The following SLC35F4 variants were observed in gnomAD, a reference collection of about 807,000 sequenced individuals.
SLC35F4 encodes chromosome 14 open reading frame 36.
In SLC35F4, 24 loss-of-function variants were observed where a neutral mutation model predicts 44.2. The ratio of observed to expected loss-of-function variants is 0.54; its 90% CI spans 0.39 to 0.76. SLC35F4 has a LOEUF of 0.76. Ranked by LOEUF, SLC35F4 falls within the 30% of genes least tolerant of loss-of-function variation. The pLI is 0.00. For synonymous variants in SLC35F4, 238 were observed against 223.6 expected (o/e 1.06, Z -0.57); for missense variants, 562 against 586.1 (o/e 0.96, Z 0.42).
chr14:57,615,918 T>C (rs1168520784), intron 1 of SLC35F4, among the ~76,000 whole-genome samples: 1 of 152,190 alleles, frequency 6.6e-6, no homozygotes, highest in Non-Finnish European at 1.5e-5. Context: ...GTAGCTGGTT[T>C]AACTACTACT....
chr14:57,874,861 C>T (rs989045829), intron 1 of SLC35F4, among the ~76,000 whole-genome samples: 2 of 152,076 alleles, frequency 1.3e-5, no homozygotes, highest in Non-Finnish European at 2.9e-5. Context: ...AAATCCAAGA[C>T]GATGTCTATT....
chr14:57,951,725 G>T (rs1890143068), intron 1 of SLC35F4, among the ~76,000 whole-genome samples: 1 of 152,188 alleles, frequency 6.6e-6, no homozygotes, highest in African/African-American at 2.4e-5. Context: ...TAGCCAAACT[G>T]CCTCTCTAGA....
At position 57,924,443 on chromosome 14, in the gene SLC35F4, CTCTT is replaced by C. The variant is rs201537819; in HGVS notation, n.282+57466_282+57469del. ...TGCCAGGCTCATTCTCTTTACTTTC[CTCTT>C]TCTTTCTTTTTTTTTTTTTAAGACG... is the stretch of plus-strand genomic sequence containing the variant. On this transcript the variant is annotated intron_variant and non_coding_transcript_variant, in intron 1 of 1. Transcript: ENST00000556568. Among the ~76,000 whole-genome samples, 966 of 151,820 alleles carry C rather than the reference CTCTT, an allele frequency of 6.4e-3. 13 individuals carry two copies. The highest frequency in any genetic ancestry group is 0.021 in the African/African-American group (855 of 41,396).
At chr14:57,893,778 T>A (rs937820051) in intron 1 of SLC35F4, among the ~76,000 whole-genome samples, 6 of 152,188 alleles carry the variant, frequency 3.9e-5, no homozygotes, top group African/African-American at 4.8e-5. Flanking sequence ...AAGAGTTATG[T>A]GGAGTTTTCA....
At chr14:57,669,059 TG>T (rs763826107) in intron 1 of SLC35F4, among the ~76,000 whole-genome samples, 2 of 152,112 alleles carry the variant, frequency 1.3e-5, no homozygotes, top group African/African-American at 2.4e-5. Flanking sequence ...CCCTGTAAGT[TG>T]GATTCCTAGG....
chr14:57,782,921 T>G (rs1162678671), intron 1 of SLC35F4, among the ~76,000 whole-genome samples: 1 of 152,012 alleles, frequency 6.6e-6, no homozygotes, highest in African/African-American at 2.4e-5. Flanking sequence ...TAAATTGAAG[T>G]CTGCAGCTGT....
At chr14:57,967,862 A>G (rs147932206) in intron 1 of SLC35F4, among the ~76,000 whole-genome samples, 42 of 152,328 alleles carry the variant, frequency 2.8e-4, no homozygotes, top group African/African-American at 9.9e-4. Context: ...AGAATTAACA[A>G]TTAGGCTTTG....
intron 1 of SLC35F4, among the ~76,000 whole-genome samples, chr14:57,715,248 A>G (rs1020910220): frequency 2.6e-5 from 4 of 152,158 alleles, no homozygotes; most frequent in African/African-American, 9.7e-5. Flanking sequence ...AGGAAGAAAG[A>G]GGGCCAGCAA....
intron 5 of SLC35F4, among the ~76,000 whole-genome samples, chr14:57,570,959 A>G (rs962838032): frequency 2.0e-5 from 3 of 152,206 alleles, no homozygotes; most frequent in African/African-American, 7.2e-5. Flanking sequence ...AGTAATGGCC[A>G]TTGAGTGAAC....
chr14:57,865,902 C>A lies in SLC35F4; in HGVS notation c.-77G>T. The A allele has an allele frequency of 9.6e-7, 1 of 1,041,918 alleles. No homozygotes were observed. Among genetic ancestry groups the A allele is most frequent in the Non-Finnish European group, 1.3e-6 (1 of 748,292 alleles). The allele number at this position is 1,041,918 out of a possible 1,614,324, so 64.5% of individuals were successfully genotyped here. Reference sequence around the variant, plus strand: ...GGGGCCCGGGAGCTGGTGCAGGTGCCGGAGCCGCTGGTGCTGATCTTGCAG... The same window carrying A: ...GGGGCCCGGGAGCTGGTGCAGGTGCAGGAGCCGCTGGTGCTGATCTTGCAG... On this transcript the variant is annotated 5_prime_UTR_variant, in exon 1 of 8. Transcript: ENST00000556826.
At chr14:57,706,869 C>T (rs1487475192) in intron 1 of SLC35F4, among the ~76,000 whole-genome samples, 1 of 152,124 alleles carries the variant, frequency 6.6e-6, no homozygotes, top group African/African-American at 2.4e-5. Flanking sequence ...TCTCTTAAGG[C>T]CAATAGGAAG....
chr14:57,889,720 T>A (rs1427739426), intron 1 of SLC35F4, among the ~76,000 whole-genome samples: 2 of 152,218 alleles, frequency 1.3e-5, no homozygotes, highest in African/African-American at 4.8e-5. Context: ...CTAGTACACA[T>A]TGTGTCATAA....
chr14:57,652,825 G>A (rs887932966), intron 1 of SLC35F4, among the ~76,000 whole-genome samples: 1 of 152,224 alleles, frequency 6.6e-6, no homozygotes, highest in South Asian at 2.1e-4. Context: ...TGAGGCTCTG[G>A]AAGTATAAGT....
At chr14:57,952,609 GA>G (rs1342222086) in intron 1 of SLC35F4, among the ~76,000 whole-genome samples, 3 of 151,766 alleles carry the variant, frequency 2.0e-5, no homozygotes, top group African/African-American at 7.3e-5. Context: ...TGACGGAGCT[GA>G]AAAACACAGC....
At position 57,566,454 on chromosome 14, in the gene SLC35F4, CAT is replaced by C. The variant is rs1406955351; in HGVS notation, c.1216+19_1216+20del. 1 of 1,572,630 alleles carries C rather than the reference CAT, an allele frequency of 6.4e-7. No homozygotes were observed. The highest frequency in any genetic ancestry group is 8.6e-7 in the Non-Finnish European group (1 of 1,158,038). On this transcript the variant is annotated intron_variant, in intron 7 of 7. Coordinates refer to ENST00000556826, the MANE Select transcript of SLC35F4 (RefSeq NM_001306087.2). ...AGACTTGTAGTGGCCAGGATCTGCA[CAT>C]GTCACATGGTGCCTGTACCTGCATT...
chr14:57,948,224 T>C (rs1890069941), intron 1 of SLC35F4, among the ~76,000 whole-genome samples: 1 of 152,196 alleles, frequency 6.6e-6, no homozygotes, highest in African/African-American at 2.4e-5. Context: ...CTTATTGGTC[T>C]GTCCCGTGTT....
chr14:57,578,325 G>GTTTTTTTTTTTTTTTTTT lies in SLC35F4; in HGVS notation c.807+2871_807+2888dup, dbSNP rs199785589. On this transcript the variant is annotated intron_variant, in intron 4 of 7. Transcript: ENST00000556826. ...GATGACTGAAAGCATCCCTTTAACT[G>GTTTTTTTTTTTTTTTTTT]TTTTTTTTTTTTTTTTTTTTTTTTT... Among the ~76,000 whole-genome samples, 83 of 43,170 alleles carry GTTTTTTTTTTTTTTTTTT rather than the reference G, an allele frequency of 1.9e-3. 27 individuals are homozygous for GTTTTTTTTTTTTTTTTTT. The highest frequency in any genetic ancestry group is 2.8e-3 in the Non-Finnish European group (61 of 21,768). 28.3% of individuals were successfully genotyped at this position (43,170 alleles called of 152,430 possible). A position where few individuals can be genotyped will look rare whatever the true frequency, so the allele number is the denominator to read the frequency against.
rs1888674211 is a variant in SLC35F4, at chr14:57,887,490, C to T, written n.282+94423G>A. 2.0e-5 allele frequency among the ~76,000 whole-genome samples: 3 copies of T among 152,178 alleles called. No homozygotes were observed. The South Asian group carries it at 6.2e-4, about 32-fold the overall frequency. On this transcript the variant is annotated intron_variant and non_coding_transcript_variant, in intron 1 of 1. Transcript: ENST00000556568. Reference sequence around the variant, plus strand: ...TTGGGAATTGTGCTGTCTGCTAAGACTAAAAACTGAGAAACAGAGCCCCCT... The same window carrying T: ...TTGGGAATTGTGCTGTCTGCTAAGATTAAAAACTGAGAAACAGAGCCCCCT...
intron 6 of SLC35F4, among the ~76,000 whole-genome samples, chr14:57,569,245 C>G (rs2068359891): frequency 6.6e-6 from 1 of 152,144 alleles, no homozygotes; most frequent in Admixed American, 6.5e-5. Flanking sequence ...CAGATATGAG[C>G]CTATCACCAA....
Sources: allele counts gnomAD v4.1 joint callset (sites outside exome capture counted in the v4.1 genomes callset), GRCh38; gene constraint gnomAD v4.1.1; transcripts MANE v1.5; gene names NCBI Gene and HGNC (gene_info 2026-07-23, HGNC 2026-07-21).